YWHAE: variants seen among roughly 807,000 people sequenced by gnomAD.
The protein encoded by YWHAE is tyrosine 3-monooxygenase/tryptophan 5-monooxygenase activation protein epsilon, also known as 14-3-3 protein epsilon.
In YWHAE, 4 loss-of-function variants were observed where a neutral mutation model predicts 30.1. The ratio of observed to expected loss-of-function variants is 0.13; its 90% confidence interval spans 0.07 to 0.30. The LOEUF is 0.30. YWHAE is among the 10% of genes least tolerant of loss of function. The pLI, the probability that YWHAE is intolerant of heterozygous loss-of-function variation, is 1.00. For missense variants in YWHAE, 121 were observed against 315.9 expected (o/e 0.38, Z 4.68); for synonymous variants, 118 against 111.8 (o/e 1.06, Z -0.35).
At chr17:1,392,640 A>G (rs1238462152) in intron 1 of YWHAE, among the ~76,000 whole-genome samples, 3 of 152,054 alleles carry the variant, frequency 2.0e-5, no homozygotes, top group Non-Finnish European at 4.4e-5. Flanking sequence ...ACCTGAGGTC[A>G]GGAGTTGAAG....
chr17:1,345,780 G>A (rs2072507476), intron 5 of YWHAE, among the ~76,000 whole-genome samples: 1 of 152,150 alleles, frequency 6.6e-6, no homozygotes, highest in Non-Finnish European at 1.5e-5. Flanking sequence ...GACAGCCAAG[G>A]AAACCATCTT....
intron 4 of YWHAE, among the ~76,000 whole-genome samples, chr17:1,360,088 G>A (rs547814293): frequency 2.9e-4 from 44 of 152,056 alleles, no homozygotes; most frequent in African/African-American, 9.9e-4. Flanking sequence ...TCAGCCTCCC[G>A]AGTAACTGGG....
At chr17:1,363,904 T>C (rs1045527807) in intron 2 of YWHAE, among the ~76,000 whole-genome samples, 1 of 152,100 alleles carries the variant, frequency 6.6e-6, no homozygotes, top group Non-Finnish European at 1.5e-5. Flanking sequence ...CAGTTTGTTG[T>C]GGGGCCCGTG....
At chr17:1,366,366 G>A (rs1016387770) in intron 1 of YWHAE, among the ~76,000 whole-genome samples, 1 of 149,774 alleles carries the variant, frequency 6.7e-6, no homozygotes, top group Admixed American at 6.6e-5. Flanking sequence ...GTGGTGAAAC[G>A]GTCTCTACTA....
In YWHAE at chr17:1,385,990, G is replaced by T. The variant is rs531441568; in HGVS notation, c.64+14057C>A. Among the ~76,000 whole-genome samples the T allele has an allele frequency of 7.9e-5, 12 of 152,282 alleles. 1 individual carries two copies. The South Asian group carries it at 2.5e-3, about 32-fold the overall frequency. On this transcript the variant is annotated intron_variant, in intron 1 of 5. Coordinates refer to ENST00000264335, the MANE Select transcript of YWHAE (RefSeq NM_006761.5). ...TTACACACAAGAAACTCCTTCCGAA[G>T]TGGAAGGAGTACCAGCTTTGCAGGG...
At chr17:1,388,664 G>T (rs2073344556) in intron 1 of YWHAE, among the ~76,000 whole-genome samples, 1 of 149,724 alleles carries the variant, frequency 6.7e-6, no homozygotes, top group Non-Finnish European at 1.5e-5. Flanking sequence ...TCCCACCTTG[G>T]CCTCCAAAAG....
intron 4 of YWHAE, among the ~76,000 whole-genome samples, chr17:1,358,238 CA>C (rs986521601): frequency 2.6e-5 from 4 of 151,498 alleles, no homozygotes; most frequent in African/African-American, 9.7e-5. Context: ...AACAAAACAA[CA>C]AAAAAAAATT....
At chr17:1,364,515 C>A (rs553433551) in intron 2 of YWHAE, among the ~76,000 whole-genome samples, 1 of 152,076 alleles carries the variant, frequency 6.6e-6, no homozygotes, top group African/African-American at 2.4e-5. Context: ...CCTGAGCCAC[C>A]GCGCCTGGCC....
At chr17:1,364,229 CTTT>C (rs34295955) in intron 2 of YWHAE, among the ~76,000 whole-genome samples, 8 of 142,834 alleles carry the variant, frequency 5.6e-5, no homozygotes, top group Admixed American at 6.9e-5. Flanking sequence ...TTTTTGGGTG[CTTT>C]TTTTTTTTTT....
intron 1 of YWHAE, among the ~76,000 whole-genome samples, chr17:1,398,554 T>C (rs1353113427): frequency 1.3e-5 from 2 of 152,218 alleles, no homozygotes; most frequent in African/African-American, 4.8e-5. Flanking sequence ...CATTTTGAAA[T>C]ATAGGTATTT....
At position 1,345,209 on chromosome 17, in the gene YWHAE, T is replaced by C. The variant is rs2072495281; in HGVS notation, c.*238A>G. The C allele has an allele frequency of 7.1e-6, 4 of 561,210 alleles. No homozygotes were observed. Among genetic ancestry groups the C allele is most frequent in the Non-Finnish European group, 9.4e-6 (3 of 317,936 alleles). The allele number at this position is 561,210 out of a possible 1,614,324, so 34.8% of individuals were successfully genotyped here. On this transcript the variant is annotated 3_prime_UTR_variant, in exon 6 of 6. Transcript: ENST00000264335. ...AAAAGCCTCTATGTAGTCCTGTTAG[T>C]GTCTTAAAGAACCTAAAAGCTGGGA...
At chr17:1,388,121 T>C (rs1339825708) in intron 1 of YWHAE, among the ~76,000 whole-genome samples, 1 of 57,508 alleles carries the variant, frequency 1.7e-5, no homozygotes, top group East Asian at 3.7e-4. Flanking sequence ...TTGGTTGGTT[T>C]TTTTTTTTTT....
At chr17:1,370,199 T>C (rs1442900987) in intron 1 of YWHAE, among the ~76,000 whole-genome samples, 1 of 137,810 alleles carries the variant, frequency 7.3e-6, no homozygotes, top group Non-Finnish European at 1.5e-5. Flanking sequence ...TGATCTCGGC[T>C]CACTGCAAGC....
At chr17:1,387,923 G>GTTTT in intron 1 of YWHAE, among the ~76,000 whole-genome samples, 1 of 74,588 alleles carries the variant, frequency 1.3e-5, no homozygotes, top group African/African-American at 7.8e-5. Flanking sequence ...ACTGCACCTG[G>GTTTT]CTTTTTTTTT....
At chr17:1,377,167 G>C (rs2073139019) in intron 1 of YWHAE, among the ~76,000 whole-genome samples, 1 of 151,996 alleles carries the variant, frequency 6.6e-6, no homozygotes, top group Admixed American at 6.6e-5. Flanking sequence ...ACCTGCCTCG[G>C]CCTCCCTAGG....
chr17:1,384,556 G>A (rs975825308), intron 1 of YWHAE, among the ~76,000 whole-genome samples: 6 of 152,074 alleles, frequency 3.9e-5, no homozygotes, highest in African/African-American at 1.4e-4. Flanking sequence ...AGCCAGGCAT[G>A]GTGGCAGGCA....
intron 1 of YWHAE, among the ~76,000 whole-genome samples, chr17:1,387,945 T>TGA (rs2073325328): frequency 7.0e-6 from 1 of 143,238 alleles, no homozygotes; most frequent in Non-Finnish European, 1.5e-5. Flanking sequence ...TTTTTTTTTT[T>TGA]GACGGAGTCT....
chr17:1,383,767 C>G (rs1188423358), intron 1 of YWHAE, among the ~76,000 whole-genome samples: 1 of 152,090 alleles, frequency 6.6e-6, no homozygotes, highest in African/African-American at 2.4e-5. Flanking sequence ...GTATTATAAA[C>G]AGTTAATAAA....
At chr17:1,357,506 G>A (rs904348646) in intron 4 of YWHAE, among the ~76,000 whole-genome samples, 1 of 151,992 alleles carries the variant, frequency 6.6e-6, no homozygotes, top group Non-Finnish European at 1.5e-5. Context: ...CCTGAACCCA[G>A]GAGGCTGAGC....
Sources: gnomAD v4.1 joint callset for allele counts (sites outside exome capture counted in the v4.1 genomes callset) on GRCh38, gnomAD v4.1.1 for gene constraint, MANE v1.5 for transcripts, NCBI Gene and HGNC (gene_info 2026-07-23, HGNC 2026-07-21) for gene names.